Variants in NISCH observed in about 807,000 individuals in gnomAD.
NISCH encodes the protein I-1 receptor candidate protein.
Under a neutral mutation model 138.4 loss-of-function variants are expected in NISCH, and 55 were observed. The observed-to-expected ratio is 0.40, with a 90% CI of 0.32 to 0.50. The LOEUF is 0.50. NISCH is among the 20% of genes least tolerant of loss of function. The probability of loss-of-function intolerance (pLI) is 0.71; values close to 1 mark genes in which losing one functional copy is unlikely to be tolerated. For missense variants in NISCH, 1,643 were observed against 2,005.5 expected (o/e 0.82, Z 3.45); for synonymous variants, 860 against 861.5 (o/e 1.00, Z 0.03).
At position 52,473,727 on chromosome 3, in the gene NISCH, G is replaced by A. The variant is rs775845324; in HGVS notation, c.670-7G>A. ...TGTTTCTGAGATGCAGCTGTTCTTT[G>A]TTCCAGATAAGTCACTGTGATGCTA... On this transcript the variant is annotated splice_region_variant and splice_polypyrimidine_tract_variant and intron_variant, in intron 6 of 20. Coordinates refer to ENST00000345716, the MANE Select transcript of NISCH (RefSeq NM_007184.4). 6.3e-7 allele frequency: 1 copy of A among 1,578,768 alleles called. No individual in the cohort carries two copies. The highest frequency in any genetic ancestry group is 8.7e-7 in the Non-Finnish European group (1 of 1,151,774).
intron 1 of NISCH, 33 bp from the exon 2 acceptor site, chr3:52,457,810 C>T (rs781171734): frequency 2.6e-6 from 4 of 1,535,658 alleles, no homozygotes; most frequent in Non-Finnish European, 3.6e-6. Context: ...GCTGGGCTCC[C>T]TTGCCACAAG....
chr3:52,490,888 G>C, intron 19 of NISCH, 55 bp downstream of exon 19: 2 of 1,605,128 alleles, frequency 1.2e-6, no homozygotes, highest in Non-Finnish European at 1.7e-6. Flanking sequence ...CATCACCAGT[G>C]GGCTTCCACC....
chr3:52,488,480 C>T lies in NISCH; in HGVS notation c.2988C>T (p.Arg996=), dbSNP rs144542629. 28 of 1,613,392 alleles carry T rather than the reference C, an allele frequency of 1.7e-5. No individual in the cohort carries two copies. Among genetic ancestry groups the T allele is most frequent in the Non-Finnish European group, 2.3e-5 (27 of 1,180,012 alleles). Residue 996 remains arginine, a synonymous_variant, in exon 16 of 21, where the codon CGC becomes CGT. Coordinates refer to ENST00000345716, the MANE Select transcript of NISCH (RefSeq NM_007184.4). Reference sequence around the variant, plus strand: ...CCCACGAGAAGTTCCACTTCCTGCGCGTCTACAACCAGCTGCGGGCCTCGC... The same window carrying T: ...CCCACGAGAAGTTCCACTTCCTGCGTGTCTACAACCAGCTGCGGGCCTCGC... ...VLPHEKFHFL[R]VYNQLRASLQ...
At position 52,490,733 on chromosome 3, in the gene NISCH, C is replaced by T. The variant is rs548626626; in HGVS notation, c.3642C>T (p.Tyr1214=). ...TCTGGCATCAGAAAAACACCGACTACAACAACAGCCCTTTCCACATCTCCC... is the reference window on the plus strand; with the variant it reads ...TCTGGCATCAGAAAAACACCGACTATAACAACAGCCCTTTCCACATCTCCC... ...QDFWHQKNTD[Y]NNSPFHISQC... The change falls in exon 19 of 21, where the codon TAC becomes TAT. Residue 1214 remains tyrosine, a synonymous_variant. Coordinates refer to ENST00000345716, the MANE Select transcript of NISCH (RefSeq NM_007184.4). 3 of 1,614,204 alleles carry T rather than the reference C, an allele frequency of 1.9e-6. No homozygotes were observed. The highest frequency in any genetic ancestry group is 2.5e-6 in the Non-Finnish European group (3 of 1,180,032).
intron 2 of NISCH, 102 bp from the exon 3 acceptor site, chr3:52,458,560 G>A (rs1706541770): frequency 1.1e-6 from 1 of 948,080 alleles, no homozygotes; most frequent in Non-Finnish European, 1.6e-6. Context: ...GGGAGGGGCT[G>A]TGCAAGTGCT....
intron 13 of NISCH, chr3:52,481,795 C>G: frequency 1.0e-6 from 1 of 985,572 alleles, no homozygotes; most frequent in Non-Finnish European, 1.2e-6. Flanking sequence ...CCTCACTCCC[C>G]TTGTGCCCTG....
At chr3:52,456,134 A>G (rs1706461114) in intron 1 of NISCH, among the ~76,000 whole-genome samples, 1 of 151,990 alleles carries the variant, frequency 6.6e-6, no homozygotes, top group Admixed American at 6.5e-5. Flanking sequence ...AGGGTCTCTG[A>G]TGGATGGAAT....
At chr3:52,457,107 T>C (rs1020537485) in intron 1 of NISCH, among the ~76,000 whole-genome samples, 1 of 152,196 alleles carries the variant, frequency 6.6e-6, no homozygotes, top group African/African-American at 2.4e-5. Context: ...ATTGCCTTAC[T>C]TGGTCCTTGA....
Position 52,492,569 on chromosome 3 carries a change from C to T in NISCH, c.*87C>T. ...TTTGTGTTCTCTAAAAATGTTTTAT[C>T]CTCCCTTTGGTACCTTAATTTGACT... On this transcript the variant is annotated 3_prime_UTR_variant, in exon 21 of 21. Transcript: ENST00000345716. 3 of 1,421,026 alleles carry T rather than the reference C, an allele frequency of 2.1e-6. No individual in the cohort carries two copies. The highest frequency in any genetic ancestry group is 2.4e-4 in the Middle Eastern group (1 of 4,144). The allele number at this position is 1,421,026 out of a possible 1,614,324, so 88.0% of individuals were successfully genotyped here.
rs1364159055 is a variant in NISCH, at chr3:52,471,961, G to T, written c.557G>T (p.Arg186Leu). 1.9e-6 allele frequency: 3 copies of T among 1,598,898 alleles called. No homozygotes were observed. The highest frequency in any genetic ancestry group is 2.6e-6 in the Non-Finnish European group (3 of 1,170,432). ...GGGCACATCCTGGACTTCACCTGTC[G>T]CCTTAAGTACCTTAAGGTAAAGCTG... ...DLGHILDFTCRLKYLKVSGTE... is the reference protein window; with the variant it reads ...DLGHILDFTCLLKYLKVSGTE... Residue 186 changes from arginine (R) to leucine (L), a missense_variant, in exon 5 of 21, where the codon CGC (arginine) becomes CTC (leucine). Coordinates refer to ENST00000345716, the MANE Select transcript of NISCH (RefSeq NM_007184.4).
rs773138887 is a variant in NISCH at position 52,487,670 on chromosome 3, C to T, written c.2178C>T (p.Ala726=). The T allele has an allele frequency of 1.1e-5, 17 of 1,613,630 alleles. No homozygotes were observed. The African/African-American group carries it at 1.2e-4, about 11-fold the overall frequency. The change falls in exon 16 of 21, where the codon GCC becomes GCT. Residue 726 remains alanine, a synonymous_variant. Transcript: ENST00000345716. The surrounding 1 kb of genome is among the most constrained non-coding windows in gnomAD (Gnocchi z 9.1). ...IHVQGSIRQF[A]ACLVLTDFGI... is the part of the protein sequence containing the mutation. ...TGCAGGGCAGTATCCGCCAGTTCGC[C>T]GCCTGCCTTGTGCTCACCGACTTCG...
rs201048638 is a variant in NISCH at position 52,472,290 on chromosome 3, T to C, written c.574-13T>C. On this transcript the variant is annotated splice_polypyrimidine_tract_variant and intron_variant, in intron 5 of 20. Transcript: ENST00000345716. ...GACACTGTTCCCAATTTAAGCCTTATCTTTGGCTTCAGGTTTCTGGCACAG... is the reference window on the plus strand; with the variant it reads ...GACACTGTTCCCAATTTAAGCCTTACCTTTGGCTTCAGGTTTCTGGCACAG... 2.5e-6 allele frequency: 4 copies of C among 1,613,208 alleles called. No homozygotes were observed. The East Asian group carries it at 8.9e-5, about 36-fold the overall frequency.
chr3:52,491,205 C>T (rs1707552409), intron 19 of NISCH, 147 bp from the exon 20 acceptor site: 2 of 1,287,872 alleles, frequency 1.6e-6, no homozygotes, highest in East Asian at 2.6e-5. Flanking sequence ...ATGGCCTCCT[C>T]CCGGGCCCCA....
intron 2 of NISCH, 56 bp downstream of exon 2, chr3:52,457,982 C>CT: frequency 7.5e-7 from 1 of 1,340,544 alleles, no homozygotes; most frequent in Non-Finnish European, 1.1e-6. Flanking sequence ...CGTAGGCCAA[C>CT]TTTCCATTGT....
chr3:52,466,550 C>G (rs1706784964), intron 3 of NISCH, among the ~76,000 whole-genome samples: 1 of 119,922 alleles, frequency 8.3e-6, no homozygotes, highest in African/African-American at 3.3e-5. Flanking sequence ...GGTGACAGGG[C>G]AAGACTCCAT....
At chr3:52,490,377 A>G in intron 18 of NISCH, 146 bp downstream of exon 18, 1 of 946,116 alleles carries the variant, frequency 1.1e-6, no homozygotes, top group Non-Finnish European at 1.6e-6. Flanking sequence ...TGTCTGAGGA[A>G]GGGAGCTGTC....
intron 15 of NISCH, 85 bp downstream of exon 15, chr3:52,485,912 G>C: frequency 7.2e-7 from 1 of 1,385,342 alleles, no homozygotes; most frequent in Non-Finnish European, 1.0e-6. Context: ...TGGCCAGTCA[G>C]GTTTTTTTAA....
chr3:52,462,705 G>A (rs1026735716), intron 3 of NISCH, among the ~76,000 whole-genome samples: 6 of 151,736 alleles, frequency 4.0e-5, no homozygotes, highest in Admixed American at 1.3e-4. Context: ...GTACGATCTC[G>A]GCTCACTGCA....
At chr3:52,480,135 C>G (rs756456660) in intron 12 of NISCH, 49 bp from the exon 13 acceptor site, 1 of 1,607,906 alleles carries the variant, frequency 6.2e-7, no homozygotes, top group Non-Finnish European at 8.5e-7. Context: ...CCTTGGGGAG[C>G]TCTGTGCTTC....
Sources: allele counts gnomAD v4.1 joint callset (sites outside exome capture counted in the v4.1 genomes callset), GRCh38; gene constraint gnomAD v4.1.1; non-coding constraint Gnocchi (gnomAD v3.1); transcripts MANE v1.5; gene names NCBI Gene and HGNC (gene_info 2026-07-23, HGNC 2026-07-21).